Variants in R3HDM2 observed in about 807,000 individuals in gnomAD.
R3HDM2 encodes R3H domain containing 2.
Under a neutral mutation model 124.5 loss-of-function variants are expected in R3HDM2, and 38 were observed. That is an observed-to-expected ratio of 0.31 (90% CI 0.24 to 0.40). R3HDM2 has a LOEUF of 0.40. R3HDM2 is among the 10% of genes least tolerant of loss of function. The pLI, the probability that R3HDM2 is intolerant of heterozygous loss-of-function variation, is 1.00. For synonymous variants in R3HDM2, 391 were observed against 448.0 expected, an observed-to-expected ratio of 0.87 and a Z score of 1.61; for missense variants, 869 against 1,236.9, an observed-to-expected ratio of 0.70 and a Z score of 4.46.
chr12:57,350,877 A>G (rs2060609773), intron 2 of R3HDM2, among the ~76,000 whole-genome samples: 1 of 152,040 alleles, frequency 6.6e-6, no homozygotes, highest in Non-Finnish European at 1.5e-5. Context: ...AAGGAGGGTG[A>G]ATCACAAAGT....
intron 2 of R3HDM2, among the ~76,000 whole-genome samples, chr12:57,384,930 C>T (rs886626004): frequency 6.6e-6 from 1 of 152,028 alleles, no homozygotes; most frequent in Non-Finnish European, 1.5e-5. Flanking sequence ...GGGTGGATCA[C>T]GAGGTCAGGA....
At chr12:57,372,917 C>G (rs1045346805) in intron 2 of R3HDM2, among the ~76,000 whole-genome samples, 33 of 152,332 alleles carry the variant, frequency 2.2e-4, no homozygotes, top group African/African-American at 7.7e-4. Context: ...AATTAAACTC[C>G]AACTCTGGCC....
chr12:57,333,821 T>C (rs1433240003), intron 2 of R3HDM2, among the ~76,000 whole-genome samples: 1 of 150,978 alleles, frequency 6.6e-6, no homozygotes, highest in East Asian at 2.0e-4. Context: ...GGCGGGTGGA[T>C]GACGAGGTTA....
rs565250307 is a variant in R3HDM2 at position 57,283,957 on chromosome 12, G to A, written c.1038C>T (p.Asp346=). The A allele has an allele frequency of 1.2e-6, 2 of 1,614,150 alleles. No individual in the cohort carries two copies. Among genetic ancestry groups the A allele is most frequent in the African/African-American group, 2.7e-5 (2 of 75,040 alleles). Residue 346 remains aspartate (D), a synonymous_variant, in exon 13 of 24, where the codon GAC becomes GAT. Transcript: ENST00000402412. ...GCATGCTCCGGACAGAGCCATCAGA[G>A]TCTGTGCTGCTCCAAGGGCGTGGCT... ...SLEPRPWSST[D]SDGSVRSMRP...
intron 14 of R3HDM2, among the ~76,000 whole-genome samples, chr12:57,279,119 C>T (rs191976016): frequency 6.7e-6 from 1 of 149,892 alleles, no homozygotes; most frequent in Admixed American, 6.6e-5. Flanking sequence ...GAGCTCTATT[C>T]GTGTGAGAAG....
intron 12 of R3HDM2, among the ~76,000 whole-genome samples, chr12:57,287,037 CACT>C (rs2047512967): frequency 6.6e-6 from 1 of 152,110 alleles, no homozygotes; most frequent in Admixed American, 6.5e-5. Flanking sequence ...CCAAATGTAA[CACT>C]ACTAAGAGAG....
intron 1 of R3HDM2, among the ~76,000 whole-genome samples, chr12:57,423,766 C>T (rs1197915894): frequency 6.9e-6 from 1 of 145,872 alleles, no homozygotes; most frequent in East Asian, 2.0e-4. Context: ...GATATCATAC[C>T]ACTGCACTCC....
chr12:57,331,435 A>G (rs962472191), intron 2 of R3HDM2, among the ~76,000 whole-genome samples: 3 of 152,036 alleles, frequency 2.0e-5, no homozygotes, highest in African/African-American at 7.2e-5. Context: ...TCAAACTATC[A>G]ATTTATTTTA....
chr12:57,429,112 G>A (rs1304253769), intron 1 of R3HDM2, among the ~76,000 whole-genome samples: 1 of 152,132 alleles, frequency 6.6e-6, no homozygotes, highest in Non-Finnish European at 1.5e-5. Context: ...TCTGCCAAGA[G>A]CAATGGCTCA....
At chr12:57,264,096 G>A (rs1394537935) in intron 19 of R3HDM2, among the ~76,000 whole-genome samples, 12 of 151,762 alleles carry the variant, frequency 7.9e-5, no homozygotes, top group Non-Finnish European at 1.6e-4. Flanking sequence ...TTAAAAATTA[G>A]CCAGCTGTGG....
At chr12:57,309,377 T>C (rs2053446871) in intron 3 of R3HDM2, among the ~76,000 whole-genome samples, 1 of 152,210 alleles carries the variant, frequency 6.6e-6, no homozygotes, top group Non-Finnish European at 1.5e-5. Flanking sequence ...AACAGGTAGA[T>C]GAGAGGAGGC....
chr12:57,319,992 G>T (rs972557341), intron 2 of R3HDM2, among the ~76,000 whole-genome samples: 3 of 152,050 alleles, frequency 2.0e-5, no homozygotes, highest in African/African-American at 7.2e-5. Flanking sequence ...TAGGCTGGGC[G>T]TAGTGGCTCA....
intron 2 of R3HDM2, among the ~76,000 whole-genome samples, chr12:57,356,631 A>G (rs1289824291): frequency 6.6e-6 from 1 of 152,222 alleles, no homozygotes; most frequent in Non-Finnish European, 1.5e-5. Context: ...ATGTTCTTCA[A>G]AAGTTTATGT....
At chr12:57,309,061 G>A (rs965110368) in intron 3 of R3HDM2, among the ~76,000 whole-genome samples, 20 of 152,184 alleles carry the variant, frequency 1.3e-4, no homozygotes, top group Admixed American at 2.0e-4. Flanking sequence ...AGAAAAGCAG[G>A]CAGCTAGAGA....
chr12:57,406,334 A>C (rs371670083), intron 1 of R3HDM2, among the ~76,000 whole-genome samples: 46 of 152,124 alleles, frequency 3.0e-4, no homozygotes, highest in African/African-American at 6.0e-4. Flanking sequence ...AAAAAAAAAA[A>C]AAAAAACTGA....
intron 1 of R3HDM2, among the ~76,000 whole-genome samples, chr12:57,401,684 A>C (rs928859627): frequency 6.6e-6 from 1 of 152,190 alleles, no homozygotes; most frequent in African/African-American, 2.4e-5. Context: ...ACAGTTTCTC[A>C]ATACTTAAAG....
At chr12:57,360,848 C>G (rs983500878) in intron 2 of R3HDM2, among the ~76,000 whole-genome samples, 1 of 151,248 alleles carries the variant, frequency 6.6e-6, no homozygotes, top group Non-Finnish European at 1.5e-5. Flanking sequence ...GAGGTCAGAT[C>G]GAGATCATCC....
In R3HDM2 at chr12:57,295,473, C is replaced by T; in HGVS notation, c.736G>A (p.Glu246Lys). Residue 246 changes from glutamate to lysine, a missense_variant, in exon 10 of 24, where the codon GAG (glutamate) becomes AAG (lysine). By Grantham distance (56) the Glu-to-Lys change is moderately conservative (BLOSUM62 1). Transcript: ENST00000402412. Reference sequence around the variant, plus strand: ...CTCTGTTGAAATTCTGTATTCTTCTCATCCTTTATATGTTCTGAGAACCTC... The same window carrying T: ...CTCTGTTGAAATTCTGTATTCTTCTTATCCTTTATATGTTCTGAGAACCTC... ...EQRFSEHIKDEKNTEFQQRFI... is the reference protein window; with the variant it reads ...EQRFSEHIKDKKNTEFQQRFI... The T allele has an allele frequency of 6.4e-7, 1 of 1,551,716 alleles. No individual in the cohort carries two copies. The highest frequency in any genetic ancestry group is 1.2e-5 in the South Asian group (1 of 84,054).
At chr12:57,279,217 C>G (rs1376415643) in intron 14 of R3HDM2, among the ~76,000 whole-genome samples, 1 of 136,886 alleles carries the variant, frequency 7.3e-6, no homozygotes, top group Non-Finnish European at 1.5e-5. Context: ...GGGTCTTACT[C>G]TGTCGCCCAG....
Sources: allele counts gnomAD v4.1 joint callset (sites outside exome capture counted in the v4.1 genomes callset), GRCh38; gene constraint gnomAD v4.1.1; transcripts MANE v1.5; gene names NCBI Gene and HGNC (gene_info 2026-07-23, HGNC 2026-07-21).